ASAP2: variants seen among roughly 807,000 people sequenced by gnomAD.
The protein encoded by ASAP2 is ArfGAP with SH3 domain, ankyrin repeat and PH domain 2.
ASAP2 carries 45 observed loss-of-function variants against 131.4 expected under a neutral mutation model. That is an observed-to-expected ratio of 0.34 (90% CI 0.27 to 0.44). The LOEUF (loss-of-function observed/expected upper bound fraction) is 0.44, where lower values mean the gene tolerates loss of function less well. ASAP2 is among the 20% of genes least tolerant of loss of function. ASAP2 has a pLI of 1.00. For synonymous variants in ASAP2, 510 were observed against 503.0 expected (o/e 1.01, Z -0.19); for missense variants, 1,011 against 1,297.0 (o/e 0.78, Z 3.39).
chr2:9,402,893 A>C (rs1161084574), intron 27 of ASAP2, among the ~76,000 whole-genome samples: 1 of 152,230 alleles, frequency 6.6e-6, no homozygotes, highest in Non-Finnish European at 1.5e-5. Context: ...TGCAGCTCAC[A>C]AACTTGTGAC....
intron 1 of ASAP2, among the ~76,000 whole-genome samples, chr2:9,228,363 C>T (rs575633975): frequency 6.6e-6 from 1 of 152,206 alleles, no homozygotes; most frequent in South Asian, 2.1e-4. Flanking sequence ...TTGGTGTTAT[C>T]CTTGAGAAGA....
At chr2:9,334,865 A>G (rs1006574477) in intron 8 of ASAP2, 52 bp downstream of exon 8, 1 of 1,547,768 alleles carries the variant, frequency 6.5e-7, no homozygotes, top group Non-Finnish European at 8.9e-7. Context: ...TGCAACAGAC[A>G]TTTTCATCTA....
Position 9,311,290 on chromosome 2 carries a change from C to T in ASAP2, c.346-7234C>T, listed in dbSNP as rs564438178. On this transcript the variant is annotated intron_variant, in intron 3 of 27. Transcript: ENST00000281419. The surrounding 1 kb of genome is among the most constrained non-coding windows in gnomAD (Gnocchi z 5.2). Reference sequence around the variant, plus strand: ...GCTCATGCCTGTGGTCCCAGCTACTCGGGAGGCAGAGGTGGGAGGATCACT... The same window carrying T: ...GCTCATGCCTGTGGTCCCAGCTACTTGGGAGGCAGAGGTGGGAGGATCACT... Among the ~76,000 whole-genome samples, 3 of 151,480 alleles carry T rather than the reference C, an allele frequency of 2.0e-5. No individual in the cohort carries two copies. Among genetic ancestry groups the T allele is most frequent in the South Asian group, 2.1e-4 (1 of 4,800 alleles).
intron 1 of ASAP2, among the ~76,000 whole-genome samples, chr2:9,230,649 T>C (rs908625182): frequency 2.6e-5 from 4 of 152,208 alleles, no homozygotes; most frequent in African/African-American, 7.2e-5. Flanking sequence ...CCTGAGCTGC[T>C]TGGCGAGGAG....
At chr2:9,304,653 G>A (rs1243991252) in intron 3 of ASAP2, among the ~76,000 whole-genome samples, 2 of 149,102 alleles carry the variant, frequency 1.3e-5, no homozygotes, top group East Asian at 4.0e-4. Context: ...TGGAGGGGTT[G>A]TAGTATTGAG....
At chr2:9,387,605 G>A (rs1315901018) in intron 21 of ASAP2, among the ~76,000 whole-genome samples, 1 of 152,204 alleles carries the variant, frequency 6.6e-6, no homozygotes, top group Admixed American at 6.5e-5. Context: ...AAGAAGGCAT[G>A]TTTGGGAAGG....
intron 24 of ASAP2, chr2:9,398,914 G>C (rs1227387135): frequency 6.6e-6 from 1 of 152,228 alleles, no homozygotes. Context: ...TTCCCTGCGA[G>C]TGTTCTGTAG....
intron 1 of ASAP2, among the ~76,000 whole-genome samples, chr2:9,261,070 G>A (rs1447330591): frequency 3.9e-5 from 6 of 152,224 alleles, no homozygotes; most frequent in Non-Finnish European, 8.8e-5. Flanking sequence ...CTTGTGTGGA[G>A]GAGAGCCACT....
chr2:9,381,676 A>G (rs1394563681), intron 20 of ASAP2, among the ~76,000 whole-genome samples: 1 of 152,210 alleles, frequency 6.6e-6, no homozygotes, highest in Non-Finnish European at 1.5e-5. Context: ...GTTCAAAGCT[A>G]CAGTGAGCCA....
intron 1 of ASAP2, among the ~76,000 whole-genome samples, chr2:9,256,156 C>G (rs1187969072): frequency 7.1e-6 from 1 of 141,222 alleles, no homozygotes; most frequent in Non-Finnish European, 1.5e-5. Flanking sequence ...ATTCTAGGGT[C>G]CCCTGCAAAA....
rs200932221 is a variant in ASAP2 at position 9,240,412 on chromosome 2, C to G, written c.126+33182C>G. On this transcript the variant is annotated intron_variant, in intron 1 of 27. Transcript: ENST00000281419. ...GGGATCACAGGCATGCACCACCATG[C>G]CAAGCTAATTTTTTGTAGAGATGGG... is the stretch of plus-strand genomic sequence containing the variant. Among the ~76,000 whole-genome samples, 7 of 152,074 alleles carry G rather than the reference C, an allele frequency of 4.6e-5. No individual in the cohort carries two copies. The East Asian group carries it at 1.4e-3, about 29-fold the overall frequency.
rs574797672 is a variant in ASAP2, at chr2:9,212,525, C to T, written c.126+5295C>T. Among the ~76,000 whole-genome samples, 85 of 152,270 alleles carry T rather than the reference C, an allele frequency of 5.6e-4. 1 individual carries two copies. In the South Asian group the frequency reaches 0.016, roughly 28 times the overall value. ...ACTCCTGAGGTGGTGGCCAGCTCGG[C>T]GTCTGCGGTAGGATTTTCACAGTCA... On this transcript the variant is annotated intron_variant, in intron 1 of 27. Transcript: ENST00000281419.
At chr2:9,309,772 C>A (rs950706601) in intron 3 of ASAP2, among the ~76,000 whole-genome samples, 11 of 152,322 alleles carry the variant, frequency 7.2e-5, no homozygotes, top group African/African-American at 2.6e-4. Flanking sequence ...TCTCTAGCCA[C>A]ATGTGACTAT....
chr2:9,238,939 C>T (rs1482329983), intron 1 of ASAP2, among the ~76,000 whole-genome samples: 1 of 152,160 alleles, frequency 6.6e-6, no homozygotes, highest in Non-Finnish European at 1.5e-5. Flanking sequence ...TTGCCTGCTC[C>T]TGCTTTCTCT....
intron 1 of ASAP2, among the ~76,000 whole-genome samples, chr2:9,258,685 A>G (rs1375808910): frequency 1.3e-5 from 2 of 151,970 alleles, no homozygotes; most frequent in Non-Finnish European, 1.5e-5. Flanking sequence ...GAAGCTGCTG[A>G]CTCTCTTGTG....
At chr2:9,318,398 C>A in intron 3 of ASAP2, 126 bp from the exon 4 acceptor site, 1 of 696,544 alleles carries the variant, frequency 1.4e-6, no homozygotes, top group South Asian at 1.7e-5. Flanking sequence ...AGGCACAGTA[C>A]ATGCACCGGC....
At chr2:9,306,542 A>G (rs148592829) in intron 3 of ASAP2, among the ~76,000 whole-genome samples, 1 of 151,782 alleles carries the variant, frequency 6.6e-6, no homozygotes, top group East Asian at 2.0e-4. Flanking sequence ...GAGGGGCTTG[A>G]GCCTGTTTCT....
chr2:9,358,893 A>G lies in ASAP2; in HGVS notation c.1461+4A>G, dbSNP rs1381491257. On this transcript the variant is annotated splice_donor_region_variant and intron_variant, in intron 15 of 27. Transcript: ENST00000281419. Reference sequence around the variant, plus strand: ...ACTGGGAACATCTGAGCTGCTGGTAATTTTTAAATCCTTGATTTCAGATTG... The same window carrying G: ...ACTGGGAACATCTGAGCTGCTGGTAGTTTTTAAATCCTTGATTTCAGATTG... The G allele has an allele frequency of 3.1e-6, 5 of 1,596,334 alleles. No individual in the cohort carries two copies. Among genetic ancestry groups the G allele is most frequent in the Non-Finnish European group, 4.3e-6 (5 of 1,171,468 alleles).
intron 2 of ASAP2, among the ~76,000 whole-genome samples, chr2:9,291,503 C>G (rs1421531838): frequency 6.6e-6 from 1 of 152,156 alleles, no homozygotes; most frequent in Non-Finnish European, 1.5e-5. Context: ...AGGAAATGGT[C>G]TCCACTGTGC....
Sources: gnomAD v4.1 joint callset for allele counts (sites outside exome capture counted in the v4.1 genomes callset) on GRCh38, gnomAD v4.1.1 for gene constraint, Gnocchi (gnomAD v3.1) non-coding constraint, MANE v1.5 for transcripts, NCBI Gene and HGNC (gene_info 2026-07-23, HGNC 2026-07-21) for gene names.